Variants in CYB5R4 observed in about 807,000 individuals in gnomAD.
CYB5R4 encodes N-terminal cytochrome b5 and cytochrome b5 oxidoreductase domain-containing protein.
In CYB5R4, 55 loss-of-function variants were observed where a neutral mutation model predicts 70.2. That is an observed-to-expected ratio of 0.78 (90% CI 0.63 to 0.98). The LOEUF (loss-of-function observed/expected upper bound fraction) is 0.98. Among genes scored for constraint, CYB5R4 ranks in the 50% least tolerant of loss-of-function variants. CYB5R4 has a pLI of 0.00. For missense variants in CYB5R4, 562 were observed against 612.6 expected (o/e 0.92, Z 0.87); for synonymous variants, 197 against 199.5 (o/e 0.99, Z 0.11).
At chr6:83,926,531 C>T (rs938400930) in intron 10 of CYB5R4, among the ~76,000 whole-genome samples, 2 of 151,976 alleles carry the variant, frequency 1.3e-5, no homozygotes, top group African/African-American at 4.8e-5. Flanking sequence ...GTGTCTGTGT[C>T]CTAATGTCCT....
chr6:83,927,997 T>C (rs2099467595), intron 10 of CYB5R4, among the ~76,000 whole-genome samples: 1 of 152,142 alleles, frequency 6.6e-6, no homozygotes. Flanking sequence ...TTTAAGACAC[T>C]TGTAGTACTT....
chr6:83,965,182 C>G lies in CYB5R4; in HGVS notation c.*5304C>G, dbSNP rs762996760. 6.6e-6 allele frequency: 1 copy of G among 152,184 alleles called. No homozygotes were observed. Among genetic ancestry groups the G allele is most frequent in the African/African-American group, 2.4e-5 (1 of 41,438 alleles). 9.4% of individuals were successfully genotyped at this position (152,184 alleles called of 1,614,324 possible). A position where few individuals can be genotyped will look rare whatever the true frequency, so the allele number is the denominator to read the frequency against. On this transcript the variant is annotated 3_prime_UTR_variant, in exon 16 of 16. Transcript: ENST00000369681. Reference sequence around the variant, plus strand: ...GCTGTGAGAAGAGGACCACTGTCCTCCAGACCCCAGAATGGTAGATCGACT... The same window carrying G: ...GCTGTGAGAAGAGGACCACTGTCCTGCAGACCCCAGAATGGTAGATCGACT...
intron 6 of CYB5R4, 127 bp from the exon 7 acceptor site, chr6:83,919,270 G>T: frequency 1.9e-6 from 1 of 527,538 alleles, no homozygotes. Context: ...AGTTTATTTA[G>T]AAAAAAAGCT....
chr6:83,929,491 C>T (rs977131570), intron 10 of CYB5R4: 5 of 152,012 alleles, frequency 3.3e-5, no homozygotes, highest in Admixed American at 6.6e-5. Context: ...CATTTTTTAC[C>T]TTCCATCCAA....
At chr6:83,941,733 T>G (rs1339891176) in intron 14 of CYB5R4, among the ~76,000 whole-genome samples, 2 of 152,220 alleles carry the variant, frequency 1.3e-5, no homozygotes, top group South Asian at 4.1e-4. Flanking sequence ...CTTTACATAC[T>G]AAAAACATAG....
chr6:83,940,651 A>C, intron 14 of CYB5R4, 50 bp downstream of exon 14: 1 of 1,557,978 alleles, frequency 6.4e-7, no homozygotes, highest in African/African-American at 1.4e-5. Flanking sequence ...CCTGGGTAGT[A>C]AGTCTATGCC....
intron 10 of CYB5R4, among the ~76,000 whole-genome samples, chr6:83,928,566 C>T (rs1272740296): frequency 6.6e-6 from 1 of 151,884 alleles, no homozygotes; most frequent in Non-Finnish European, 1.5e-5. Context: ...TTACTGGTTG[C>T]ATATTGTGCC....
intron 14 of CYB5R4, among the ~76,000 whole-genome samples, chr6:83,944,866 C>T (rs1328767344): frequency 6.6e-6 from 1 of 151,928 alleles, no homozygotes; most frequent in Non-Finnish European, 1.5e-5. Flanking sequence ...AAGGGATTAA[C>T]AAGAAGAGCT....
chr6:83,941,665 T>G (rs566764133), intron 14 of CYB5R4, among the ~76,000 whole-genome samples: 1 of 152,330 alleles, frequency 6.6e-6, no homozygotes, highest in Non-Finnish European at 1.5e-5. Flanking sequence ...TTTTAATAAA[T>G]GACTTTCAAA....
At chr6:83,886,186 G>T (rs2099460218) in intron 2 of CYB5R4, among the ~76,000 whole-genome samples, 1 of 152,126 alleles carries the variant, frequency 6.6e-6, no homozygotes, top group African/African-American at 2.4e-5. Context: ...GAGCATGCAA[G>T]CTCAGTTCTC....
chr6:83,897,422 A>T (rs2099462090), intron 3 of CYB5R4, among the ~76,000 whole-genome samples: 1 of 152,168 alleles, frequency 6.6e-6, no homozygotes, highest in Non-Finnish European at 1.5e-5. Context: ...CAGTAATGGG[A>T]TGGCTGGGTC....
chr6:83,888,346 A>AT (rs930412359), intron 2 of CYB5R4, among the ~76,000 whole-genome samples: 20 of 152,078 alleles, frequency 1.3e-4, no homozygotes, highest in African/African-American at 4.6e-4. Flanking sequence ...CAGGTAATGG[A>AT]TTTTTTACAA....
At chr6:83,934,819 A>G in intron 11 of CYB5R4, 84 bp downstream of exon 11, 2 of 1,238,708 alleles carry the variant, frequency 1.6e-6, no homozygotes, top group East Asian at 2.4e-5. Context: ...GAAAACAACC[A>G]TTTAAGTTAT....
At chr6:83,952,372 A>G (rs778989052) in intron 14 of CYB5R4, among the ~76,000 whole-genome samples, 39 of 152,254 alleles carry the variant, frequency 2.6e-4, no homozygotes, top group Middle Eastern at 6.8e-3. Context: ...CAAAAAACAT[A>G]CCATAGATAT....
intron 14 of CYB5R4, among the ~76,000 whole-genome samples, chr6:83,954,576 A>G (rs1588588315): frequency 6.6e-6 from 1 of 151,910 alleles, no homozygotes; most frequent in Non-Finnish European, 1.5e-5. Context: ...CCCAGTGTCT[A>G]TTGTTCTCAT....
chr6:83,897,757 A>G (rs1265859813), intron 3 of CYB5R4, among the ~76,000 whole-genome samples: 2 of 151,852 alleles, frequency 1.3e-5, no homozygotes, highest in African/African-American at 4.8e-5. Flanking sequence ...TTTTCTTGTA[A>G]ATTTGTTGGA....
chr6:83,925,383 G>T lies in CYB5R4; in HGVS notation c.814+791G>T, dbSNP rs371754697. Among the ~76,000 whole-genome samples, 6 of 152,226 alleles carry T rather than the reference G, an allele frequency of 3.9e-5. No homozygotes were observed. The East Asian group carries it at 1.2e-3, about 29-fold the overall frequency. ...ACTAGGCCCTACCTCCAACACTGGG[G>T]ATTACAATTCAACCTAAGATTTGGA... is the stretch of plus-strand genomic sequence containing the variant. On this transcript the variant is annotated intron_variant, in intron 10 of 15. Coordinates refer to ENST00000369681, the MANE Select transcript of CYB5R4 (RefSeq NM_016230.4).
chr6:83,887,196 C>G (rs1983862), intron 2 of CYB5R4, among the ~76,000 whole-genome samples: 1 of 151,858 alleles, frequency 6.6e-6, no homozygotes, highest in African/African-American at 2.4e-5. Context: ...AAGTGGTGAG[C>G]TACTAGGCAC....
intron 9 of CYB5R4, among the ~76,000 whole-genome samples, 179 bp from the exon 10 acceptor site, chr6:83,924,291 A>G (rs1406243105): frequency 3.3e-5 from 5 of 152,132 alleles, no homozygotes; most frequent in African/African-American, 1.2e-4. Flanking sequence ...AATAAAGCAT[A>G]TAAGGATAAA....
Sources: gnomAD v4.1 joint callset for allele counts (sites outside exome capture counted in the v4.1 genomes callset) on GRCh38, gnomAD v4.1.1 for gene constraint, MANE v1.5 for transcripts, NCBI Gene and HGNC (gene_info 2026-07-23, HGNC 2026-07-21) for gene names.